The following SLC8A3 variants were observed in gnomAD, a reference collection of about 807,000 sequenced individuals.
SLC8A3 encodes solute carrier family 8 member A3, also known as sodium/calcium exchanger 3.
Under a neutral mutation model 65.4 loss-of-function variants are expected in SLC8A3, and 37 were observed. The observed-to-expected ratio is 0.57, with a 90% confidence interval of 0.44 to 0.74. The LOEUF (loss-of-function observed/expected upper bound fraction) is 0.74, where lower values mean the gene tolerates loss of function less well. SLC8A3 is among the 30% of genes least tolerant of loss of function. The pLI, the probability that SLC8A3 is intolerant of heterozygous loss-of-function variation, is 0.00. For synonymous variants in SLC8A3, 461 were observed against 444.5 expected, an observed-to-expected ratio of 1.04 and a Z score of -0.47; for missense variants, 1,112 against 1,172.1, an observed-to-expected ratio of 0.95 and a Z score of 0.75.
chr14:70,185,462 G>A (rs930934129), intron 1 of SLC8A3, among the ~76,000 whole-genome samples: 4 of 152,206 alleles, frequency 2.6e-5, no homozygotes, highest in African/African-American at 9.7e-5. Flanking sequence ...CAAAGGGCAG[G>A]GCCAGGGCAA....
chr14:70,158,386 C>G (rs148905281), intron 2 of SLC8A3, among the ~76,000 whole-genome samples: 1 of 152,000 alleles, frequency 6.6e-6, no homozygotes, highest in Non-Finnish European at 1.5e-5. Context: ...CCTAAAAGGT[C>G]GACAAATCAA....
chr14:70,072,605 CCAT>C, intron 2 of SLC8A3, among the ~76,000 whole-genome samples: 1 of 151,812 alleles, frequency 6.6e-6, no homozygotes, highest in African/African-American at 2.4e-5. Flanking sequence ...GTCCATCCAT[CCAT>C]CCATCCATCC....
intron 2 of SLC8A3, among the ~76,000 whole-genome samples, chr14:70,069,182 C>T (rs150950): frequency 0.1 from 15,211 of 152,270 alleles, 925 homozygotes; most frequent in African/African-American, 0.16. Flanking sequence ...CTCTGGATGT[C>T]ATTCCCAAGC....
intron 2 of SLC8A3, among the ~76,000 whole-genome samples, chr14:70,155,598 A>G (rs1896530897): frequency 6.6e-6 from 1 of 152,226 alleles, no homozygotes; most frequent in Non-Finnish European, 1.5e-5. Context: ...CAAAATCCTT[A>G]CATCTTTAAA....
At chr14:70,126,491 C>A (rs754898108) in intron 2 of SLC8A3, among the ~76,000 whole-genome samples, 19 of 150,932 alleles carry the variant, frequency 1.3e-4, no homozygotes, top group Non-Finnish European at 2.8e-4. Context: ...AGGGAGAATA[C>A]AAAGAAACCC....
At chr14:70,071,155 T>C (rs942896029) in intron 2 of SLC8A3, among the ~76,000 whole-genome samples, 1 of 152,078 alleles carries the variant, frequency 6.6e-6, no homozygotes, top group African/African-American at 2.4e-5. Context: ...AAAAGGCCTT[T>C]GGGAAAAAAA....
chr14:70,125,345 G>A (rs1263989151), intron 2 of SLC8A3, among the ~76,000 whole-genome samples: 2 of 151,446 alleles, frequency 1.3e-5, no homozygotes, highest in Non-Finnish European at 1.5e-5. Flanking sequence ...ACCCTTCCGA[G>A]TCTCCAATGT....
At chr14:70,132,189 G>T (rs1894882120) in intron 2 of SLC8A3, among the ~76,000 whole-genome samples, 1 of 152,160 alleles carries the variant, frequency 6.6e-6, no homozygotes, top group Non-Finnish European at 1.5e-5. Context: ...CCCTTTTGGT[G>T]GTCACTTCTT....
At chr14:70,128,350 C>T (rs1894615531) in intron 2 of SLC8A3, among the ~76,000 whole-genome samples, 1 of 152,196 alleles carries the variant, frequency 6.6e-6, no homozygotes, top group South Asian at 2.1e-4. Context: ...GCTTTATTGC[C>T]TATAATGTCT....
intron 3 of SLC8A3, among the ~76,000 whole-genome samples, chr14:70,059,699 G>T (rs1307298227): frequency 1.3e-5 from 2 of 152,162 alleles, no homozygotes; most frequent in African/African-American, 2.4e-5. Context: ...TGGGATGAGG[G>T]CTATCTTGGG....
intron 2 of SLC8A3, among the ~76,000 whole-genome samples, chr14:70,067,106 C>T (rs966906701): frequency 2.0e-5 from 3 of 152,160 alleles, no homozygotes; most frequent in African/African-American, 4.8e-5. Context: ...GTGTCCTAGA[C>T]ACACTGGTCT....
At chr14:70,084,866 T>C (rs1241845693) in intron 2 of SLC8A3, among the ~76,000 whole-genome samples, 1 of 152,140 alleles carries the variant, frequency 6.6e-6, no homozygotes, top group Non-Finnish European at 1.5e-5. Flanking sequence ...ACATTGGACA[T>C]GGGAGGTGTC....
chr14:70,135,111 T>C (rs541441041), intron 2 of SLC8A3, among the ~76,000 whole-genome samples: 2 of 152,232 alleles, frequency 1.3e-5, no homozygotes, highest in East Asian at 1.9e-4. Context: ...AAAGAAGACA[T>C]ATAAATGGCC....
At chr14:70,185,219 G>T (rs939388779) in intron 1 of SLC8A3, among the ~76,000 whole-genome samples, 1 of 152,046 alleles carries the variant, frequency 6.6e-6, no homozygotes, top group Admixed American at 6.5e-5. Flanking sequence ...CGCCTGCCTC[G>T]GCCTCCCAAA....
intron 2 of SLC8A3, among the ~76,000 whole-genome samples, chr14:70,109,196 C>CTT (rs61458322): frequency 0.12 from 16,729 of 136,548 alleles, 1,316 homozygotes; most frequent in African/African-American, 0.21. Flanking sequence ...GCAGAAGGTT[C>CTT]TTTTTTTTTT....
intron 2 of SLC8A3, among the ~76,000 whole-genome samples, chr14:70,099,122 C>T (rs536055061): frequency 2.4e-4 from 36 of 152,146 alleles, no homozygotes; most frequent in Non-Finnish European, 4.6e-4. Flanking sequence ...CATTTTCTTG[C>T]TATTTTCCAT....
At chr14:70,088,780 C>T (rs1345813471) in intron 2 of SLC8A3, among the ~76,000 whole-genome samples, 1 of 152,152 alleles carries the variant, frequency 6.6e-6, no homozygotes, top group Non-Finnish European at 1.5e-5. Flanking sequence ...CCTTTAATCC[C>T]TATGTCAGTG....
At chr14:70,095,941 G>T (rs963232519) in intron 2 of SLC8A3, among the ~76,000 whole-genome samples, 1 of 152,022 alleles carries the variant, frequency 6.6e-6, no homozygotes, top group Admixed American at 6.5e-5. Flanking sequence ...GAGTGCAGTG[G>T]CGCAATCTCT....
Position 70,174,662 on chromosome 14 carries a change from G to GTTTGTTTTTTTTTTT in SLC8A3, c.-62-6179_-62-6178insAAAAAAAAAAACAAA, listed in dbSNP as rs1566833477. The stretch of plus-strand genomic sequence containing the variant: ...CTTGGACCAAATCCGTTTTTTTTTT[G>GTTTGTTTTTTTTTTT]TTTTTTTTTTTTTTTTTTTTTTTTT... On this transcript the variant is annotated intron_variant, in intron 1 of 6. Transcript: ENST00000356921. Among the ~76,000 whole-genome samples the GTTTGTTTTTTTTTTT allele has an allele frequency of 4.4e-4, 29 of 66,510 alleles. 2 individuals carry two copies. The highest frequency in any genetic ancestry group is 1.0e-3 in the South Asian group (2 of 1,946). 43.6% of individuals were successfully genotyped at this position (66,510 alleles called of 152,430 possible).
Sources: allele counts gnomAD v4.1 joint callset (sites outside exome capture counted in the v4.1 genomes callset), GRCh38; gene constraint gnomAD v4.1.1; transcripts MANE v1.5; gene names NCBI Gene and HGNC (gene_info 2026-07-23, HGNC 2026-07-21).